Variants in LRP1 observed in about 807,000 individuals in gnomAD.
The protein encoded by LRP1 is prolow-density lipoprotein receptor-related protein 1.
Under a neutral mutation model 541.5 loss-of-function variants are expected in LRP1, and 51 were observed. The observed-to-expected ratio is 0.09, with a 90% confidence interval of 0.08 to 0.12. The LOEUF is 0.12. LRP1 is among the 10% of genes least tolerant of loss of function. The pLI is 1.00. For synonymous variants in LRP1, 2,219 were observed against 2,470.8 expected, an observed-to-expected ratio of 0.90 and a Z score of 3.02; for missense variants, 3,878 against 6,376.2, an observed-to-expected ratio of 0.61 and a Z score of 13.34.
At position 57,192,836 on chromosome 12, in the gene LRP1, C is replaced by G. The variant is rs376868012; in HGVS notation, c.7430-9C>G. On this transcript the variant is annotated splice_polypyrimidine_tract_variant and intron_variant, in intron 44 of 88. Transcript: ENST00000243077. ...TCTCCAGCCCTGCGCCCACCCTGTCCCTGCTCAGGTGAACTCTCTCCATGC... is the reference window on the plus strand; with the variant it reads ...TCTCCAGCCCTGCGCCCACCCTGTCGCTGCTCAGGTGAACTCTCTCCATGC... 6.2e-7 allele frequency: 1 copy of G among 1,614,036 alleles called. No homozygotes were observed. The highest frequency in any genetic ancestry group is 8.5e-7 in the Non-Finnish European group (1 of 1,180,016).
Position 57,210,151 on chromosome 12 carries a change from C to G in LRP1, c.12562C>G (p.Pro4188Ala), listed in dbSNP as rs757497414. Reference protein sequence around the residue: ...DNGTCVPVPSPTPPPDAPRPG... With the variant: ...DNGTCVPVPSATPPPDAPRPG... ...CGGCACATGCGTGCCTGTGCCCTCT[C>G]CAACGCCCCCCCCAGATGGTATGCT... is the stretch of plus-strand genomic sequence containing the variant. Residue 4188 changes from proline to alanine, a missense_variant, in exon 81 of 89, where the codon CCA (proline) becomes GCA (alanine). Around this residue, in one of 13 missense-constraint regions of LRP1, gnomAD observed 871 missense variants for 1,212.4 expected, o/e 0.72. Transcript: ENST00000243077. The G allele has an allele frequency of 6.2e-7, 1 of 1,604,546 alleles. No homozygotes were observed. Among genetic ancestry groups the G allele is most frequent in the Non-Finnish European group, 8.5e-7 (1 of 1,174,886 alleles).
chr12:57,203,090 G>C (rs562079579), intron 68 of LRP1, 91 bp from the exon 69 acceptor site: 1 of 944,236 alleles, frequency 1.1e-6, no homozygotes, highest in South Asian at 1.7e-5. Context: ...AGAGACACGG[G>C]GATGGGCCTT....
At chr12:57,188,214 G>A (rs185226216) in intron 42 of LRP1, among the ~76,000 whole-genome samples, 190 of 152,312 alleles carry the variant, frequency 1.2e-3, no homozygotes, top group African/African-American at 3.9e-3. Context: ...CTGTTCTCCC[G>A]CAGGGGCAGC....
chr12:57,166,011 T>G, intron 16 of LRP1, 66 bp downstream of exon 16: 1 of 1,612,628 alleles, frequency 6.2e-7, no homozygotes, highest in Admixed American at 1.7e-5. Context: ...GCTCTGGCAG[T>G]GCCTATACTG....
rs1565745448 is a variant in LRP1, at chr12:57,193,579, CAAG to C, written c.7703_7705del (p.Lys2568del). 1.2e-6 allele frequency: 2 copies of C among 1,614,110 alleles called. No individual in the cohort carries two copies. The highest frequency in any genetic ancestry group is 1.7e-6 in the Non-Finnish European group (2 of 1,180,006). On this transcript the variant is annotated inframe_deletion, in exon 47 of 89. Coordinates refer to ENST00000243077, the MANE Select transcript of LRP1 (RefSeq NM_002332.3). Reference sequence around the variant, plus strand: ...CTCCATTTGCAGACTCCCGCCGCTGCAAGAAGACTTTCCGGCAGTGCAGCAATG... The same window carrying C: ...CTCCATTTGCAGACTCCCGCCGCTGCAAGACTTTCCGGCAGTGCAGCAATG...
At chr12:57,199,493 G>C (rs74429938) in intron 61 of LRP1, 93 bp downstream of exon 61, 1 of 1,362,634 alleles carries the variant, frequency 7.3e-7, no homozygotes, top group African/African-American at 1.4e-5. Flanking sequence ...CATTGACCAA[G>C]CCCTCCTGGC....
chr12:57,195,610 G>T, intron 52 of LRP1, 48 bp from the exon 53 acceptor site: 1 of 1,613,274 alleles, frequency 6.2e-7, no homozygotes. Context: ...GGGACGGTCG[G>T]CCGCTGGCCA....
chr12:57,161,998 AGTGTGT>A lies in LRP1; in HGVS notation c.2203-305_2203-300del, dbSNP rs113233161. Among the ~76,000 whole-genome samples, 759 of 149,738 alleles carry A rather than the reference AGTGTGT, an allele frequency of 5.1e-3. 9 individuals are homozygous for A. In the East Asian group the frequency reaches 0.054, roughly 11 times the overall value. On this transcript the variant is annotated intron_variant, in intron 13 of 88. Coordinates refer to ENST00000243077, the MANE Select transcript of LRP1 (RefSeq NM_002332.3). ...GTGTGTGTGTGCGCGCACGCATATGAGTGTGTGTGTGTGTGTGTGCACGTATGTGTG... is the reference window on the plus strand; with the variant it reads ...GTGTGTGTGTGCGCGCACGCATATGAGTGTGTGTGTGTGCACGTATGTGTG...
chr12:57,148,814 G>T (rs560972922), intron 6 of LRP1, among the ~76,000 whole-genome samples: 1 of 152,300 alleles, frequency 6.6e-6, no homozygotes, highest in African/African-American at 2.4e-5. Flanking sequence ...AGGTCTCAGG[G>T]TTCCCCTCCC....
At chr12:57,198,365 G>T in intron 59 of LRP1, 22 bp downstream of exon 59, 1 of 1,608,584 alleles carries the variant, frequency 6.2e-7, no homozygotes, top group Non-Finnish European at 8.5e-7. Context: ...AGGAGGGTTG[G>T]GGGAGCCCCT....
intron 60 of LRP1, 138 bp downstream of exon 60, chr12:57,198,808 G>A: frequency 1.1e-6 from 1 of 903,724 alleles, no homozygotes; most frequent in Non-Finnish European, 1.7e-6. Context: ...ACTCACTGGG[G>A]TGTGGGGTTC....
chr12:57,167,150 T>C (rs998434231), intron 18 of LRP1, 104 bp downstream of exon 18: 1 of 889,442 alleles, frequency 1.1e-6, no homozygotes, highest in Admixed American at 2.0e-5. Context: ...AGCACTTGGG[T>C]GGCCTTGAGT....
chr12:57,172,041 A>C (rs1592629367), intron 20 of LRP1, among the ~76,000 whole-genome samples: 3 of 114,226 alleles, frequency 2.6e-5, no homozygotes, highest in Non-Finnish European at 1.8e-5. Context: ...ACTCTACTCC[A>C]GCTGTGGCGT....
intron 62 of LRP1, 38 bp from the exon 63 acceptor site, chr12:57,200,404 A>T: frequency 9.7e-7 from 1 of 1,028,590 alleles, no homozygotes; most frequent in Non-Finnish European, 1.5e-6. Flanking sequence ...AGTCCCCCAG[A>T]CCCCCACCAA....
Position 57,197,180 on chromosome 12 carries a change from TG to T in LRP1, c.9076+17del, listed in dbSNP as rs1263489658. ...GGCTGTGACTGGTGAGATGCGCGCT[TG>T]GAGGGCATGAGGTGACCCAGGCTGT... On this transcript the variant is annotated intron_variant, in intron 56 of 88. Transcript: ENST00000243077. The surrounding 1 kb of genome is among the most constrained non-coding windows in gnomAD (Gnocchi z 4.5). 6.2e-7 allele frequency: 1 copy of T among 1,613,854 alleles called. No individual in the cohort carries two copies. Among genetic ancestry groups the T allele is most frequent in the Admixed American group, 1.7e-5 (1 of 60,018 alleles).
chr12:57,197,788 C>A lies in LRP1; in HGVS notation c.9282+124C>A, dbSNP rs983257122. ...TCTCACTCCACTAGTCACTATATGA[C>A]TGCTTGTTCTAGCTGCTCACTCTCC... On this transcript the variant is annotated intron_variant, in intron 58 of 88. Coordinates refer to ENST00000243077, the MANE Select transcript of LRP1 (RefSeq NM_002332.3). The surrounding 1 kb of genome is among the most constrained non-coding windows in gnomAD (Gnocchi z 4.5). 2.7e-6 allele frequency: 3 copies of A among 1,114,446 alleles called. No individual in the cohort carries two copies. In the African/African-American group the frequency reaches 4.7e-5, roughly 18 times the overall value. The allele number at this position is 1,114,446 out of a possible 1,614,324, so 69.0% of individuals were successfully genotyped here.
chr12:57,183,954 C>CT lies in LRP1; in HGVS notation c.5929+46dup. 1 of 1,611,852 alleles carries CT rather than the reference C, an allele frequency of 6.2e-7. No individual in the cohort carries two copies. Among genetic ancestry groups the CT allele is most frequent in the Non-Finnish European group, 8.5e-7 (1 of 1,178,600 alleles). ...GTGGGGCTTGGGGTGTGGCAGAGGA[C>CT]TGGGGGACGAAGTGAGAGGAGGAGT... is the stretch of plus-strand genomic sequence containing the variant. On this transcript the variant is annotated intron_variant, in intron 36 of 88. Coordinates refer to ENST00000243077, the MANE Select transcript of LRP1 (RefSeq NM_002332.3). This position sits in a 1 kb window ranked among gnomAD's most constrained non-coding sequence, Gnocchi z 6.1.
chr12:57,188,065 T>C (rs1034150742), intron 42 of LRP1, among the ~76,000 whole-genome samples: 5 of 152,168 alleles, frequency 3.3e-5, no homozygotes, highest in Non-Finnish European at 5.9e-5. Flanking sequence ...CTGCATGCCA[T>C]AGAGCATAGG....
chr12:57,145,109 G>A lies in LRP1; in HGVS notation c.577+9G>A. 6.2e-7 allele frequency: 1 copy of A among 1,613,836 alleles called. No homozygotes were observed. The highest frequency in any genetic ancestry group is 8.5e-7 in the Non-Finnish European group (1 of 1,180,014). ...CTGCAAGGCCAAGAACGGTGGGTGG[G>A]GTTGCCTCTGGCCACAGTGCTAACT... On this transcript the variant is annotated intron_variant, in intron 5 of 88. Coordinates refer to ENST00000243077, the MANE Select transcript of LRP1 (RefSeq NM_002332.3).
Sources: gnomAD v4.1 joint callset for allele counts (sites outside exome capture counted in the v4.1 genomes callset) on GRCh38, gnomAD v4.1.1 for gene constraint, gnomAD v4.1.1 regional missense constraint, Gnocchi (gnomAD v3.1) non-coding constraint, MANE v1.5 for transcripts, NCBI Gene and HGNC (gene_info 2026-07-23, HGNC 2026-07-21) for gene names.